VPS35L: variants seen among roughly 807,000 people sequenced by gnomAD.
VPS35L encodes the protein VPS35 endosomal protein sorting factor like.
Under a neutral mutation model 133.0 loss-of-function variants are expected in VPS35L, and 83 were observed. That is an observed-to-expected ratio of 0.62 (90% CI 0.52 to 0.75). The LOEUF is 0.75. Ranked by LOEUF, VPS35L falls within the 30% of genes least tolerant of loss-of-function variation. VPS35L has a pLI of 0.00. For missense variants in VPS35L, 1,083 were observed against 1,206.8 expected (o/e 0.90, Z 1.52); for synonymous variants, 423 against 449.9 (o/e 0.94, Z 0.76).
rs1597300479 is a variant in VPS35L at position 19,562,163 on chromosome 16, G to A, written c.18-2688G>A. ...AAGGAAATGAGACAGGCTTTATTCC[G>A]GGGGGCTACTATAGTGGGGTTTTGC... On this transcript the variant is annotated intron_variant, in intron 1 of 30. Transcript: ENST00000417362. Among the ~76,000 whole-genome samples the A allele has an allele frequency of 2.6e-5, 4 of 152,050 alleles. No homozygotes were observed. The South Asian group carries it at 6.2e-4, about 24-fold the overall frequency.
intron 17 of VPS35L, 146 bp downstream of exon 17, chr16:19,628,899 C>A (rs1032732651): frequency 1.1e-5 from 3 of 283,180 alleles, no homozygotes; most frequent in Non-Finnish European, 1.9e-5. Context: ...TCAAGCGATT[C>A]TTCTGCCTCA....
intron 29 of VPS35L, chr16:19,694,529 A>G (rs1278814558): frequency 6.6e-6 from 1 of 150,432 alleles, no homozygotes; most frequent in Non-Finnish European, 1.5e-5. Context: ...TTACTCTGTC[A>G]TCCAGGCTGG....
chr16:19,575,147 G>C (rs1971491167), intron 5 of VPS35L, 25 bp downstream of exon 5: 1 of 1,601,132 alleles, frequency 6.2e-7, no homozygotes. Context: ...TTGTTGTTTT[G>C]ATGGGAAAAT....
At chr16:19,567,059 C>G (rs570653545) in intron 2 of VPS35L, among the ~76,000 whole-genome samples, 1 of 152,214 alleles carries the variant, frequency 6.6e-6, no homozygotes, top group Admixed American at 6.5e-5. Context: ...GCCCAGTTGG[C>G]CCCCTTTAAT....
At chr16:19,558,579 C>A (rs1425900086) in intron 1 of VPS35L, among the ~76,000 whole-genome samples, 1 of 152,186 alleles carries the variant, frequency 6.6e-6, no homozygotes, top group Non-Finnish European at 1.5e-5. Flanking sequence ...CCTGTATACC[C>A]TAGATCACAT....
Position 19,644,918 on chromosome 16 carries a change from T to C in VPS35L, c.1898T>C (p.Leu633Pro). ...ALTLEDEKRM[L>P]SYLINGFIKM... ...ACTCTTGAGGATGAGAAAAGAATGC[T>C]GTCATATTTGATTAATGGATTTATA... Residue 633 changes from leucine to proline, a missense_variant, in exon 23 of 31, where the codon CTG becomes CCG. By Grantham distance (98) the Leu-to-Pro change is moderately conservative. Transcript: ENST00000417362. The C allele has an allele frequency of 1.2e-6, 2 of 1,602,106 alleles. No individual in the cohort carries two copies. Among genetic ancestry groups the C allele is most frequent in the Non-Finnish European group, 1.7e-6 (2 of 1,169,770 alleles).
intron 12 of VPS35L, among the ~76,000 whole-genome samples, chr16:19,612,499 C>T (rs907813036): frequency 3.3e-5 from 5 of 152,170 alleles, no homozygotes; most frequent in African/African-American, 1.2e-4. Flanking sequence ...GGTAATCTGC[C>T]TTCCCCGGCC....
intron 23 of VPS35L, among the ~76,000 whole-genome samples, chr16:19,645,674 C>G (rs950862079): frequency 6.6e-6 from 1 of 152,178 alleles, no homozygotes; most frequent in Admixed American, 6.5e-5. Context: ...GTTTCCATCC[C>G]CCCCAGCTCT....
At chr16:19,669,024 C>T (rs1974786538) in intron 26 of VPS35L, 136 bp from the exon 27 acceptor site, 4 of 778,348 alleles carry the variant, frequency 5.1e-6, no homozygotes, top group East Asian at 2.6e-5. Flanking sequence ...TTGCAGAAAC[C>T]TTCTGCTAGG....
intron 16 of VPS35L, 45 bp downstream of exon 16, chr16:19,627,850 T>C: frequency 1.4e-6 from 2 of 1,442,188 alleles, no homozygotes; most frequent in South Asian, 1.1e-5. Flanking sequence ...ATAAGCGGTG[T>C]GTATCTGATA....
Position 19,652,100 on chromosome 16 carries a change from T to C in VPS35L, c.2221+10T>C. ...CAGTGCCTCTCCCAAGGTAAGTCCA[T>C]CATTCTCTCATCTCGGGCACTCCCT... On this transcript the variant is annotated intron_variant, in intron 26 of 30. Transcript: ENST00000417362. 1 of 1,534,318 alleles carries C rather than the reference T, an allele frequency of 6.5e-7. No individual in the cohort carries two copies. The highest frequency in any genetic ancestry group is 9.0e-7 in the Non-Finnish European group (1 of 1,116,230).
intron 7 of VPS35L, among the ~76,000 whole-genome samples, chr16:19,583,021 G>A (rs1449397228): frequency 6.6e-6 from 1 of 152,048 alleles, no homozygotes; most frequent in Admixed American, 6.6e-5. Flanking sequence ...ACAAAAATTA[G>A]CCAGGCTAAT....
chr16:19,578,219 A>G (rs1469767653), intron 5 of VPS35L: 1 of 447,114 alleles, frequency 2.2e-6, no homozygotes, highest in Admixed American at 2.5e-5. Context: ...TTAAAACCTA[A>G]AACATTTGTC....
intron 8 of VPS35L, among the ~76,000 whole-genome samples, chr16:19,598,856 G>T (rs1260174019): frequency 6.6e-6 from 1 of 152,162 alleles, no homozygotes; most frequent in Non-Finnish European, 1.5e-5. Flanking sequence ...GTTTTAGAGG[G>T]ATGGCAACTT....
chr16:19,589,987 G>T (rs1971988975), intron 7 of VPS35L, among the ~76,000 whole-genome samples: 1 of 152,134 alleles, frequency 6.6e-6, no homozygotes, highest in African/African-American at 2.4e-5. Flanking sequence ...TTCCAGCCTT[G>T]AAATCTCATG....
chr16:19,569,778 C>T (rs1042964594), intron 3 of VPS35L, among the ~76,000 whole-genome samples, 187 bp downstream of exon 3: 1 of 151,966 alleles, frequency 6.6e-6, no homozygotes, highest in African/African-American at 2.4e-5. Context: ...AAGCAATTCT[C>T]CCACCTCACC....
intron 29 of VPS35L, among the ~76,000 whole-genome samples, chr16:19,693,842 G>C (rs770483053): frequency 2.6e-5 from 4 of 151,686 alleles, no homozygotes; most frequent in Admixed American, 1.3e-4. Flanking sequence ...CCAGCTACTG[G>C]AGAGGCTGAG....
Position 19,616,714 on chromosome 16 carries a change from T to C in VPS35L, c.1130T>C (p.Leu377Pro). ...CATGGGGATACGGTCCAGAACCAGC[T>C]GGTGGTCCAAGGAGTGGAGCTCCCA... ...QIHGDTVQNQ[L>P]VVQGVELPSY... Residue 377 changes from leucine (L) to proline (P), a missense_variant, in exon 14 of 31, where the codon CTG becomes CCG. Leu to Pro is a moderately conservative substitution (Grantham distance 98, BLOSUM62 -3). Transcript: ENST00000417362. 1 of 1,614,120 alleles carries C rather than the reference T, an allele frequency of 6.2e-7. No individual in the cohort carries two copies. The highest frequency in any genetic ancestry group is 8.5e-7 in the Non-Finnish European group (1 of 1,180,014).
At chr16:19,555,788 C>A in intron 1 of VPS35L, 42 bp downstream of exon 1, 2 of 1,539,674 alleles carry the variant, frequency 1.3e-6, no homozygotes, top group Non-Finnish European at 1.7e-6. Flanking sequence ...AGGGGCTGTC[C>A]TTACTTGTGA....
Sources: allele counts gnomAD v4.1 joint callset (sites outside exome capture counted in the v4.1 genomes callset), GRCh38; gene constraint gnomAD v4.1.1; transcripts MANE v1.5; gene names NCBI Gene and HGNC (gene_info 2026-07-23, HGNC 2026-07-21).